Variants in ATRNL1 observed in about 807,000 individuals in gnomAD.
The protein encoded by ATRNL1 is attractin-like protein 1.
ATRNL1 carries 95 observed loss-of-function variants against 182.7 expected under a neutral mutation model. The ratio of observed to expected loss-of-function variants is 0.52; its 90% CI spans 0.44 to 0.62. The LOEUF (loss-of-function observed/expected upper bound fraction) is 0.62, where lower values mean the gene tolerates loss of function less well. ATRNL1 is among the 20% of genes least tolerant of loss of function. The pLI, the probability that ATRNL1 is intolerant of heterozygous loss-of-function variation, is 0.00. For missense variants in ATRNL1, 1,471 were observed against 1,679.5 expected, an observed-to-expected ratio of 0.88 and a Z score of 2.17; for synonymous variants, 576 against 568.3, an observed-to-expected ratio of 1.01 and a Z score of -0.19.
intron 10 of ATRNL1, 68 bp downstream of exon 10, chr10:115,241,793 AC>A: frequency 2.3e-6 from 3 of 1,319,814 alleles, no homozygotes; most frequent in Non-Finnish European, 3.2e-6. Context: ...ATTCTCAAAT[AC>A]ATTAATTGAT....
chr10:115,585,867 G>C (rs113205135), intron 26 of ATRNL1, among the ~76,000 whole-genome samples: 1 of 50,654 alleles, frequency 2.0e-5, no homozygotes, highest in African/African-American at 8.4e-5. Flanking sequence ...TTTACATTTT[G>C]GCATGATTTT....
In ATRNL1 at chr10:115,229,019, G is replaced by A. The variant is rs773206664; in HGVS notation, c.1533-12552G>A. On this transcript the variant is annotated intron_variant, in intron 9 of 28. Transcript: ENST00000355044. ...TGGCCTCAAGTGATCCACCCACCTC[G>A]ACCTCCTGTAGTGCTGAGATTACAG... Among the ~76,000 whole-genome samples, 8 of 151,934 alleles carry A rather than the reference G, an allele frequency of 5.3e-5. No homozygotes were observed. In the East Asian group the frequency reaches 1.4e-3, roughly 26 times the overall value.
At chr10:115,659,732 G>A (rs964506382) in intron 26 of ATRNL1, among the ~76,000 whole-genome samples, 2 of 152,078 alleles carry the variant, frequency 1.3e-5, no homozygotes, top group South Asian at 4.1e-4. Flanking sequence ...CTCAAAGAAT[G>A]TGAAATCCAA....
chr10:115,739,048 T>C (rs952412403), intron 27 of ATRNL1, among the ~76,000 whole-genome samples: 1 of 152,160 alleles, frequency 6.6e-6, no homozygotes, highest in Non-Finnish European at 1.5e-5. Context: ...TTTTATCTTA[T>C]CTTAAATCAT....
chr10:115,322,745 A>G (rs781982221), intron 18 of ATRNL1, among the ~76,000 whole-genome samples: 25 of 152,060 alleles, frequency 1.6e-4, no homozygotes, highest in Non-Finnish European at 2.6e-4. Flanking sequence ...CCAATTTTCT[A>G]AAGGTAGATT....
chr10:115,572,837 C>T (rs1555003874), intron 26 of ATRNL1, among the ~76,000 whole-genome samples: 2 of 152,108 alleles, frequency 1.3e-5, no homozygotes, highest in Non-Finnish European at 2.9e-5. Context: ...CCTTGCAGGA[C>T]ATATGATTGG....
At chr10:115,480,254 T>C (rs543549323) in intron 24 of ATRNL1, among the ~76,000 whole-genome samples, 35 of 149,228 alleles carry the variant, frequency 2.3e-4, no homozygotes, top group African/African-American at 7.2e-4. Context: ...AAACTACTGG[T>C]TAAGTAGATA....
intron 9 of ATRNL1, among the ~76,000 whole-genome samples, chr10:115,224,129 G>A (rs1849602854): frequency 6.6e-6 from 1 of 150,686 alleles, no homozygotes; most frequent in African/African-American, 2.4e-5. Context: ...TACAGATGGG[G>A]TTTCACCCTG....
chr10:115,449,170 C>A (rs905030159), intron 21 of ATRNL1, among the ~76,000 whole-genome samples: 81 of 152,262 alleles, frequency 5.3e-4, no homozygotes, highest in African/African-American at 1.9e-3. Context: ...TCGCCCTGGC[C>A]CACCCCACTC....
chr10:115,802,869 C>A (rs1375860976), intron 27 of ATRNL1, among the ~76,000 whole-genome samples: 1 of 152,140 alleles, frequency 6.6e-6, no homozygotes, highest in Non-Finnish European at 1.5e-5. Flanking sequence ...TACTCCTTTG[C>A]AATTTGTTAC....
At chr10:115,506,088 A>AT (rs1850097211) in intron 24 of ATRNL1, among the ~76,000 whole-genome samples, 1 of 152,000 alleles carries the variant, frequency 6.6e-6, no homozygotes, top group African/African-American at 2.4e-5. Context: ...AGTAGTTAAA[A>AT]TTAAAAAAAA....
At chr10:115,861,793 A>G (rs1555103520) in intron 28 of ATRNL1, among the ~76,000 whole-genome samples, 3 of 152,054 alleles carry the variant, frequency 2.0e-5, no homozygotes, top group African/African-American at 7.2e-5. Flanking sequence ...CATTTTTAAC[A>G]CCATTCTTTT....
rs537369501 is a variant in ATRNL1 at position 115,340,553 on chromosome 10, G to T, written c.3175+6134G>T. Among the ~76,000 whole-genome samples the T allele has an allele frequency of 8.4e-5, 12 of 142,536 alleles. 1 individual carries two copies. In the South Asian group the frequency reaches 2.7e-3, roughly 32 times the overall value. The allele number at this position is 142,536 out of a possible 152,430, so 93.5% of individuals were successfully genotyped here. ...AATATTGGCCTTGTAGAATGAGTTTGGAAGTATTTCCTTCTCCTCTATTTT... is the reference window on the plus strand; with the variant it reads ...AATATTGGCCTTGTAGAATGAGTTTTGAAGTATTTCCTTCTCCTCTATTTT... On this transcript the variant is annotated intron_variant, in intron 19 of 28. Transcript: ENST00000355044.
chr10:115,197,955 A>T (rs927686622), intron 8 of ATRNL1, among the ~76,000 whole-genome samples: 1 of 152,172 alleles, frequency 6.6e-6, no homozygotes, highest in African/African-American at 2.4e-5. Context: ...TATCTTGGCT[A>T]TTGAGACTAA....
intron 26 of ATRNL1, among the ~76,000 whole-genome samples, chr10:115,560,759 A>G (rs1554999234): frequency 6.6e-6 from 1 of 150,764 alleles, no homozygotes; most frequent in African/African-American, 2.4e-5. Context: ...CAAACTTACT[A>G]TGCAAGTATA....
intron 26 of ATRNL1, among the ~76,000 whole-genome samples, chr10:115,584,597 C>A (rs1163514970): frequency 6.9e-6 from 1 of 145,602 alleles, no homozygotes; most frequent in Non-Finnish European, 1.5e-5. Flanking sequence ...GTGGTGATAT[C>A]TCCTTTATCA....
At chr10:115,287,541 A>G (rs1007864201) in intron 15 of ATRNL1, among the ~76,000 whole-genome samples, 4 of 151,950 alleles carry the variant, frequency 2.6e-5, no homozygotes, top group African/African-American at 9.7e-5. Flanking sequence ...TGGTAAGTAC[A>G]TTTTTTTGTT....
intron 26 of ATRNL1, among the ~76,000 whole-genome samples, chr10:115,581,739 C>A (rs1438631228): frequency 3.4e-5 from 4 of 117,108 alleles, no homozygotes; most frequent in South Asian, 7.5e-4. Flanking sequence ...AAACCATCGA[C>A]ACTAAACTTT....
rs183245352 is a variant in ATRNL1 at position 115,462,485 on chromosome 10, G to A, written c.3417+450G>A. Among the ~76,000 whole-genome samples the A allele has an allele frequency of 2.1e-3, 319 of 152,018 alleles. 1 individual carries two copies. Among genetic ancestry groups the A allele is most frequent in the African/African-American group, 7.1e-3 (294 of 41,460 alleles). The stretch of plus-strand genomic sequence containing the variant: ...AAATTAGCTAGGCATGATGGTGCGC[G>A]CCTATAGTCCCAGCTACTGAGGAGG... On this transcript the variant is annotated intron_variant, in intron 22 of 28. Coordinates refer to ENST00000355044, the MANE Select transcript of ATRNL1 (RefSeq NM_207303.4).
Sources: allele counts gnomAD v4.1 joint callset (sites outside exome capture counted in the v4.1 genomes callset), GRCh38; gene constraint gnomAD v4.1.1; transcripts MANE v1.5; gene names NCBI Gene and HGNC (gene_info 2026-07-23, HGNC 2026-07-21).